Variants in MEIG1 observed in about 807,000 individuals in gnomAD.
MEIG1 encodes the protein meiosis expressed gene 1 protein homolog.
In MEIG1, 12 loss-of-function variants were observed where a neutral mutation model predicts 11.3. The ratio of observed to expected loss-of-function variants is 1.07; its 90% CI spans 0.68 to 1.73. MEIG1 has a LOEUF of 1.73. MEIG1 is among the 40% of genes most tolerant of loss of function. MEIG1 has a pLI of 0.00. For synonymous variants in MEIG1, 41 were observed against 33.2 expected (o/e 1.24, Z -0.81); for missense variants, 119 against 104.9 (o/e 1.13, Z -0.59).
intron 1 of MEIG1, among the ~76,000 whole-genome samples, chr10:14,980,460 G>A (rs931915018): frequency 6.6e-6 from 1 of 152,088 alleles, no homozygotes; most frequent in East Asian, 1.9e-4. Flanking sequence ...TTATGGAAAT[G>A]TTACCCCTAA....
At chr10:14,985,479 A>C (rs1174165406) in intron 1 of MEIG1, among the ~76,000 whole-genome samples, 1 of 151,996 alleles carries the variant, frequency 6.6e-6, no homozygotes, top group Non-Finnish European at 1.5e-5. Context: ...CGTAATATCC[A>C]AGGGAGATGT....
downstream of MEIG1, among the ~76,000 whole-genome samples, chr10:14,973,920 A>G (rs1256444904): frequency 6.6e-6 from 1 of 152,198 alleles, no homozygotes; most frequent in African/African-American, 2.4e-5. Flanking sequence ...TAAAGTGAAG[A>G]GCCAGCGCTT....
At chr10:14,954,557 A>C, upstream of MEIG1, 1 of 208,144 alleles carries the variant, frequency 4.8e-6, no homozygotes, top group Non-Finnish European at 1.0e-5. Flanking sequence ...TATCTGACTC[A>C]TGGTAGATTC....
Position 14,972,665 on chromosome 10 carries a change from C to G in MEIG1, c.*24C>G, listed in dbSNP as rs1367490066. On this transcript the variant is annotated 3_prime_UTR_variant, in exon 3 of 3. Coordinates refer to ENST00000407572, the MANE Select transcript of MEIG1 (RefSeq NM_001080836.3). ...AGCCTGTCTTCTTTGTATTACTTGT[C>G]AATTATATTTTAAGTATTCATCATT... The G allele has an allele frequency of 6.4e-7, 1 of 1,558,670 alleles. No individual in the cohort carries two copies. Among genetic ancestry groups the G allele is most frequent in the South Asian group, 1.2e-5 (1 of 83,624 alleles).
intron 2 of MEIG1, chr10:14,987,486 A>C (rs1469363422): frequency 5.6e-6 from 4 of 713,122 alleles, no homozygotes; most frequent in Non-Finnish European, 1.0e-5. Flanking sequence ...TTGGAAAATA[A>C]AAGGTAAAAA....
chr10:14,982,088 C>T (rs1277009199), intron 1 of MEIG1, among the ~76,000 whole-genome samples: 2 of 152,192 alleles, frequency 1.3e-5, no homozygotes, highest in Non-Finnish European at 2.9e-5. Context: ...GTGAATCATG[C>T]GCTGATTTTC....
At chr10:14,984,230 G>T (rs906126796) in intron 1 of MEIG1, among the ~76,000 whole-genome samples, 2 of 131,670 alleles carry the variant, frequency 1.5e-5, no homozygotes, top group Non-Finnish European at 3.1e-5. Context: ...CCCCTGCGAT[G>T]TGGATCGTAA....
At chr10:14,958,023 G>A (rs2131254810), upstream of MEIG1, among the ~76,000 whole-genome samples, 1 of 152,278 alleles carries the variant, frequency 6.6e-6, no homozygotes, top group Non-Finnish European at 1.5e-5. Flanking sequence ...GAGCTGTTGG[G>A]AACGGTTGTA....
chr10:14,969,712 T>C (rs1171393680), intron 2 of MEIG1, among the ~76,000 whole-genome samples: 2 of 152,006 alleles, frequency 1.3e-5, no homozygotes, highest in African/African-American at 4.8e-5. Context: ...GGTGCACACA[T>C]GTAATCCCAG....
chr10:14,963,225 T>G (rs775410076), intron 1 of MEIG1, among the ~76,000 whole-genome samples: 5 of 152,116 alleles, frequency 3.3e-5, no homozygotes, highest in Non-Finnish European at 7.4e-5. Context: ...GCCTCCTGAT[T>G]AGCTGGGATT....
upstream of MEIG1, among the ~76,000 whole-genome samples, chr10:14,956,944 T>A (rs563283405): frequency 6.6e-5 from 10 of 152,148 alleles, no homozygotes; most frequent in South Asian, 6.2e-4. Flanking sequence ...CAATAACAAC[T>A]ACTTGGGAGC....
At chr10:14,970,731 A>G (rs933921199) in intron 2 of MEIG1, among the ~76,000 whole-genome samples, 2 of 152,248 alleles carry the variant, frequency 1.3e-5, no homozygotes, top group African/African-American at 2.4e-5. Context: ...AGACATGTGG[A>G]CACAGATGGT....
At chr10:14,973,179 A>G (rs1232965830), downstream of MEIG1, among the ~76,000 whole-genome samples, 1 of 152,096 alleles carries the variant, frequency 6.6e-6, no homozygotes, top group African/African-American at 2.4e-5. Context: ...GTCCATAATA[A>G]CTGTGGTGTG....
At chr10:14,981,908 C>G (rs540020296) in intron 1 of MEIG1, among the ~76,000 whole-genome samples, 1 of 152,170 alleles carries the variant, frequency 6.6e-6, no homozygotes. Context: ...GGCGTTTCCC[C>G]GGGCCTGACC....
At chr10:14,987,999 C>T (rs1272480832) in exon 3 of MEIG1, 1 of 152,608 alleles carries the variant, frequency 6.6e-6, no homozygotes, top group Admixed American at 6.5e-5. Flanking sequence ...TTATTATCAT[C>T]CTTCGGTTTT....
intron 1 of MEIG1, among the ~76,000 whole-genome samples, chr10:14,963,758 G>A (rs1282586350): frequency 4.6e-5 from 7 of 152,120 alleles, no homozygotes; most frequent in East Asian, 3.9e-4. Flanking sequence ...GAGGCCAGGA[G>A]TTCAAGACCA....
Position 14,972,505 on chromosome 10 carries a change from A to G in MEIG1, c.139-8A>G, listed in dbSNP as rs1649837348. 1.2e-6 allele frequency: 2 copies of G among 1,613,986 alleles called. No individual in the cohort carries two copies. Among genetic ancestry groups the G allele is most frequent in the Non-Finnish European group, 1.7e-6 (2 of 1,179,926 alleles). On this transcript the variant is annotated splice_region_variant and splice_polypyrimidine_tract_variant and intron_variant, in intron 2 of 2. Transcript: ENST00000407572. The stretch of plus-strand genomic sequence containing the variant: ...TGTAACGTTTGTACTCTGGTTCTTG[A>G]TGTGCAGGTAGATCGTTGGCCGGAG...
At chr10:14,963,386 C>T (rs534769036) in intron 1 of MEIG1, among the ~76,000 whole-genome samples, 15 of 152,326 alleles carry the variant, frequency 9.8e-5, no homozygotes, top group East Asian at 3.9e-4. Context: ...TGAGCCACCA[C>T]GCCCAGCCTA....
rs140264019 is a variant in MEIG1 at position 14,971,609 on chromosome 10, G to C, written c.139-904G>C. Among the ~76,000 whole-genome samples, 10 of 152,242 alleles carry C rather than the reference G, an allele frequency of 6.6e-5. No individual in the cohort carries two copies. The East Asian group carries it at 1.9e-3, about 29-fold the overall frequency. ...AGAAGGAAATGCATATACACTTTTG[G>C]ATAGTTCTTGAGTTGCTTGCTTTAT... On this transcript the variant is annotated intron_variant, in intron 2 of 2. Transcript: ENST00000407572.
Sources: gnomAD v4.1 joint callset for allele counts (sites outside exome capture counted in the v4.1 genomes callset) on GRCh38, gnomAD v4.1.1 for gene constraint, MANE v1.5 for transcripts, NCBI Gene and HGNC (gene_info 2026-07-23, HGNC 2026-07-21) for gene names.